PDE4B: variants seen among roughly 807,000 people sequenced by gnomAD.
The protein encoded by PDE4B is 3',5'-cyclic-AMP phosphodiesterase 4B.
A neutral mutation model predicts 82.2 loss-of-function variants in PDE4B; 20 were observed. The ratio of observed to expected loss-of-function variants is 0.24; its 90% CI spans 0.17 to 0.35. PDE4B has a LOEUF of 0.35. Ranked by LOEUF, PDE4B falls within the 10% of genes least tolerant of loss-of-function variation. The pLI is 1.00. For synonymous variants in PDE4B, 320 were observed against 318.9 expected, an observed-to-expected ratio of 1.00 and a Z score of -0.04; for missense variants, 655 against 907.2, an observed-to-expected ratio of 0.72 and a Z score of 3.57.
intron 4 of PDE4B, among the ~76,000 whole-genome samples, chr1:66,249,120 C>T (rs1403365399): frequency 6.6e-6 from 1 of 152,198 alleles, no homozygotes; most frequent in African/African-American, 2.4e-5. Context: ...TCCAAGGCTG[C>T]AGGAGAGGTA....
chr1:65,803,133 T>C (rs889950274), intron 1 of PDE4B, among the ~76,000 whole-genome samples: 9 of 152,174 alleles, frequency 5.9e-5, no homozygotes, highest in Admixed American at 5.9e-4. Flanking sequence ...TTCAAGATAT[T>C]GACAAAAATA....
chr1:65,941,109 C>T (rs2100546346), intron 3 of PDE4B, among the ~76,000 whole-genome samples: 1 of 152,082 alleles, frequency 6.6e-6, no homozygotes, highest in South Asian at 2.1e-4. Context: ...TATCTTACTT[C>T]TTGTTCACTC....
chr1:66,347,795 A>G (rs1367684689), intron 8 of PDE4B, among the ~76,000 whole-genome samples: 2 of 152,240 alleles, frequency 1.3e-5, no homozygotes, highest in African/African-American at 4.8e-5. Context: ...ACAAGCTATG[A>G]TAGATTTTTG....
At chr1:66,284,508 G>A (rs1656527842) in intron 7 of PDE4B, among the ~76,000 whole-genome samples, 1 of 152,086 alleles carries the variant, frequency 6.6e-6, no homozygotes, top group Admixed American at 6.6e-5. Flanking sequence ...ACAAATGGAG[G>A]CCAGCCAGGT....
At chr1:65,915,682 C>T (rs1647151624) in intron 2 of PDE4B, among the ~76,000 whole-genome samples, 1 of 152,128 alleles carries the variant, frequency 6.6e-6, no homozygotes. Flanking sequence ...ACAGCTCAGT[C>T]CTTTGGTGTC....
At chr1:65,834,671 G>A (rs995500715) in intron 1 of PDE4B, among the ~76,000 whole-genome samples, 1 of 152,144 alleles carries the variant, frequency 6.6e-6, no homozygotes, top group African/African-American at 2.4e-5. Flanking sequence ...GTAAATATGG[G>A]AACTGACAGA....
chr1:66,255,067 T>C (rs193277146), intron 4 of PDE4B, among the ~76,000 whole-genome samples: 8 of 152,070 alleles, frequency 5.3e-5, no homozygotes, highest in Non-Finnish European at 8.8e-5. Context: ...TTCTTTTCTT[T>C]TTTTCTCTTT....
chr1:66,216,178 T>C (rs1019400520), intron 3 of PDE4B, among the ~76,000 whole-genome samples: 1 of 150,976 alleles, frequency 6.6e-6, no homozygotes, highest in Admixed American at 6.6e-5. Context: ...CTATTTTATT[T>C]TTTAAAATAA....
At chr1:66,190,412 G>T (rs545864317) in intron 3 of PDE4B, among the ~76,000 whole-genome samples, 35 of 152,294 alleles carry the variant, frequency 2.3e-4, no homozygotes, top group African/African-American at 8.4e-4. Flanking sequence ...CTTTTGTTTG[G>T]CTATGCCCTG....
At chr1:66,042,756 T>C (rs565160077) in intron 3 of PDE4B, 120 of 151,934 alleles carry the variant, frequency 7.9e-4, no homozygotes, top group African/African-American at 2.6e-3. Flanking sequence ...AAAATTTTTA[T>C]TAAAAAGACT....
At chr1:66,323,653 C>A (rs997745303) in intron 7 of PDE4B, among the ~76,000 whole-genome samples, 1 of 152,108 alleles carries the variant, frequency 6.6e-6, no homozygotes, top group Non-Finnish European at 1.5e-5. Flanking sequence ...AAGCACTTTA[C>A]ATTTATTTAT....
Position 66,365,664 on chromosome 1 carries a change from C to T in PDE4B, c.1285-3C>T, listed in dbSNP as rs1663188385. ...TAGTTAAATGTGTTTATTTGCCCGA[C>T]AGGCTGTCTTCACAGATTTGGAGAT... On this transcript the variant is annotated splice_region_variant and splice_polypyrimidine_tract_variant and intron_variant, in intron 12 of 16. Transcript: ENST00000341517. 1.9e-6 allele frequency: 3 copies of T among 1,593,034 alleles called. No individual in the cohort carries two copies. The highest frequency in any genetic ancestry group is 2.6e-6 in the Non-Finnish European group (3 of 1,162,148).
chr1:66,206,399 C>T (rs909875877), intron 3 of PDE4B, among the ~76,000 whole-genome samples: 1 of 152,088 alleles, frequency 6.6e-6, no homozygotes, highest in Admixed American at 6.5e-5. Flanking sequence ...CACCCTCCAG[C>T]ATTTTATCCC....
intron 3 of PDE4B, among the ~76,000 whole-genome samples, chr1:66,078,324 G>A (rs1182285462): frequency 6.6e-6 from 1 of 151,914 alleles, no homozygotes; most frequent in Non-Finnish European, 1.5e-5. Flanking sequence ...AGCCTTCTGA[G>A]TAGCTGGGAC....
At chr1:66,045,658 T>C (rs1302346745) in intron 3 of PDE4B, among the ~76,000 whole-genome samples, 1 of 151,654 alleles carries the variant, frequency 6.6e-6, no homozygotes, top group Non-Finnish European at 1.5e-5. Flanking sequence ...AAGATGCCCA[T>C]GTTAAAGTGG....
Position 66,372,927 on chromosome 1 carries a change from C to A in PDE4B, c.*249C>A, listed in dbSNP as rs2050836417. On this transcript the variant is annotated 3_prime_UTR_variant, in exon 17 of 17. Coordinates refer to ENST00000341517, the MANE Select transcript of PDE4B (RefSeq NM_002600.4). ...GCTGTTGCTGGGGGCCGATTCTGAT[C>A]AAGACACATGGCTTGAAAATGGAAG... 7 of 455,216 alleles carry A rather than the reference C, an allele frequency of 1.5e-5. No individual in the cohort carries two copies. Among genetic ancestry groups the A allele is most frequent in the Non-Finnish European group, 2.8e-5 (7 of 252,034 alleles). 28.2% of individuals were successfully genotyped at this position (455,216 alleles called of 1,614,324 possible).
chr1:65,830,369 T>C lies in PDE4B; in HGVS notation c.-71+37121T>C, dbSNP rs535868646. On this transcript the variant is annotated intron_variant, in intron 1 of 16. Transcript: ENST00000341517. ...CTCTGCCTTGAGTGTGGACTGTACT[T>C]TGTGTCTTGCTTCCAAATAATTGAA... 2.6e-5 allele frequency among the ~76,000 whole-genome samples: 4 copies of C among 152,256 alleles called. No individual in the cohort carries two copies. The South Asian group carries it at 6.2e-4, about 24-fold the overall frequency.
At chr1:66,320,844 A>C (rs1302921103) in intron 7 of PDE4B, among the ~76,000 whole-genome samples, 1 of 152,218 alleles carries the variant, frequency 6.6e-6, no homozygotes, top group African/African-American at 2.4e-5. Context: ...CAACCTCAGA[A>C]TATTTAGAAA....
intron 3 of PDE4B, among the ~76,000 whole-genome samples, chr1:65,976,258 A>G (rs988604299): frequency 6.6e-6 from 1 of 152,130 alleles, no homozygotes; most frequent in African/African-American, 2.4e-5. Context: ...TTTAATGACC[A>G]CCCTGCTGGA....
Sources: allele counts gnomAD v4.1 joint callset (sites outside exome capture counted in the v4.1 genomes callset), GRCh38; gene constraint gnomAD v4.1.1; transcripts MANE v1.5; gene names NCBI Gene and HGNC (gene_info 2026-07-23, HGNC 2026-07-21).